The following GRIN2B variants were observed in gnomAD, a reference collection of about 807,000 sequenced individuals.
GRIN2B encodes glutamate ionotropic receptor NMDA type subunit 2B.
In GRIN2B, 5 loss-of-function variants were observed where a neutral mutation model predicts 114.5. The observed-to-expected ratio is 0.04, with a 90% CI of 0.02 to 0.09. The LOEUF (loss-of-function observed/expected upper bound fraction) is 0.09. Ranked by LOEUF, GRIN2B falls within the 10% of genes least tolerant of loss-of-function variation. The pLI is 1.00. For missense variants in GRIN2B, 1,108 were observed against 1,943.5 expected, an observed-to-expected ratio of 0.57 and a Z score of 8.08; for synonymous variants, 787 against 745.1, an observed-to-expected ratio of 1.06 and a Z score of -0.92.
intron 3 of GRIN2B, among the ~76,000 whole-genome samples, chr12:13,805,372 A>G (rs1864583389): frequency 6.6e-6 from 1 of 152,220 alleles, no homozygotes; most frequent in Non-Finnish European, 1.5e-5. Flanking sequence ...TTATATCTAG[A>G]AAAGCCTGAA....
chr12:13,798,307 AAGTC>A (rs1864451359), intron 3 of GRIN2B, among the ~76,000 whole-genome samples: 1 of 152,126 alleles, frequency 6.6e-6, no homozygotes, highest in African/African-American at 2.4e-5. Flanking sequence ...AAAAAAAAAA[AAGTC>A]AGTGTTGCAA....
At chr12:13,775,477 G>A (rs1300269477) in intron 3 of GRIN2B, among the ~76,000 whole-genome samples, 1 of 152,200 alleles carries the variant, frequency 6.6e-6, no homozygotes, top group East Asian at 1.9e-4. Context: ...ATAGTGCTGG[G>A]CACCAAGTAA....
At chr12:13,690,369 TCTCTCACA>T (rs1170948231) in intron 4 of GRIN2B, among the ~76,000 whole-genome samples, 12 of 59,026 alleles carry the variant, frequency 2.0e-4, no homozygotes, top group Non-Finnish European at 2.8e-4. Flanking sequence ...TCTCTCTCTC[TCTCTCACA>T]CACACACACA....
rs1949570404 is a variant in GRIN2B, at chr12:13,626,692, C to T, written c.1126-10035G>A. Among the ~76,000 whole-genome samples, 13 of 152,178 alleles carry T rather than the reference C, an allele frequency of 8.5e-5. No homozygotes were observed. In the South Asian group the frequency reaches 2.7e-3, roughly 32 times the overall value. On this transcript the variant is annotated intron_variant, in intron 5 of 13. Transcript: ENST00000609686. ...CCAATTTGAATCCTTGCTTTTCCAT[C>T]ATTGGTTGCATGTGATTCTGGATGA...
intron 3 of GRIN2B, among the ~76,000 whole-genome samples, chr12:13,759,617 G>A (rs895308543): frequency 1.3e-5 from 2 of 152,072 alleles, no homozygotes; most frequent in African/African-American, 2.4e-5. Flanking sequence ...TATTGACAAC[G>A]CCAATGTCCA....
At chr12:13,707,984 G>A (rs180842760) in intron 4 of GRIN2B, among the ~76,000 whole-genome samples, 2 of 147,174 alleles carry the variant, frequency 1.4e-5, no homozygotes, top group East Asian at 4.0e-4. Flanking sequence ...GTCTAAGCAA[G>A]GCTAGAAGCC....
intron 5 of GRIN2B, among the ~76,000 whole-genome samples, chr12:13,636,306 A>G (rs574867119): frequency 6.6e-6 from 1 of 152,306 alleles, no homozygotes; most frequent in African/African-American, 2.4e-5. Flanking sequence ...CAGTCTGGTG[A>G]GATAGGGAGG....
Position 13,562,793 on chromosome 12 carries a change from G to T in GRIN2B, c.4445C>A (p.Ser1482Tyr). Residue 1482 changes from serine (S) to tyrosine (Y), a missense_variant, in exon 14 of 14, where the codon TCT becomes TAT. Ser to Tyr is a moderately radical substitution (Grantham distance 144). Transcript: ENST00000609686. ...TCTCTGTTCCCTCACTCAGACATCA[G>T]ACTCAATACTAGAAAGTTTCTCATA... is the stretch of plus-strand genomic sequence containing the variant. ...HVYEKLSSIESDV is the reference protein window; with the variant it reads ...HVYEKLSSIEYDV 1 of 1,613,832 alleles carries T rather than the reference G, an allele frequency of 6.2e-7. No homozygotes were observed. The highest frequency in any genetic ancestry group is 1.1e-5 in the South Asian group (1 of 91,064).
chr12:13,621,354 C>A lies in GRIN2B; in HGVS notation c.1126-4697G>T, dbSNP rs1291578600. 4.6e-5 allele frequency among the ~76,000 whole-genome samples: 7 copies of A among 151,860 alleles called. No homozygotes were observed. In the South Asian group the frequency reaches 1.5e-3, roughly 32 times the overall value. Reference sequence around the variant, plus strand: ...AGGAGATATTTCAGAGACAATGTAGCGAGAAGAACTGAATGAAGAATTTAT... The same window carrying A: ...AGGAGATATTTCAGAGACAATGTAGAGAGAAGAACTGAATGAAGAATTTAT... On this transcript the variant is annotated intron_variant, in intron 5 of 13. Transcript: ENST00000609686.
At chr12:13,917,862 G>T (rs962526893) in intron 2 of GRIN2B, among the ~76,000 whole-genome samples, 1 of 152,068 alleles carries the variant, frequency 6.6e-6, no homozygotes, top group Non-Finnish European at 1.5e-5. Flanking sequence ...TATACTATAT[G>T]CTAGAAAAAT....
intron 2 of GRIN2B, among the ~76,000 whole-genome samples, chr12:13,934,338 A>T (rs1245359236): frequency 6.6e-6 from 1 of 152,250 alleles, no homozygotes; most frequent in African/African-American, 2.4e-5. Context: ...TCCTTAGGAA[A>T]CTATTTGGAA....
chr12:13,720,385 A>G (rs1950496820), intron 4 of GRIN2B, among the ~76,000 whole-genome samples: 1 of 152,056 alleles, frequency 6.6e-6, no homozygotes, highest in African/African-American at 2.4e-5. Flanking sequence ...TGTACTTGAG[A>G]CATAAAACTG....
intron 5 of GRIN2B, among the ~76,000 whole-genome samples, chr12:13,657,584 A>C (rs1949878665): frequency 6.6e-6 from 1 of 152,162 alleles, no homozygotes; most frequent in South Asian, 2.1e-4. Flanking sequence ...GCAGAAGGCA[A>C]AGCCAACAAA....
At chr12:13,663,345 T>C (rs1949942963) in intron 5 of GRIN2B, among the ~76,000 whole-genome samples, 1 of 152,164 alleles carries the variant, frequency 6.6e-6, no homozygotes, top group East Asian at 1.9e-4. Context: ...AAAGGGAAAA[T>C]TGGCAATTCT....
chr12:13,916,334 TATC>T (rs1866719954), intron 2 of GRIN2B, among the ~76,000 whole-genome samples: 1 of 152,206 alleles, frequency 6.6e-6, no homozygotes, highest in Admixed American at 6.5e-5. Context: ...ATAAACAAAT[TATC>T]ATCTTTGCCA....
chr12:13,610,176 A>G (rs959219803), intron 9 of GRIN2B, among the ~76,000 whole-genome samples: 1 of 152,194 alleles, frequency 6.6e-6, no homozygotes, highest in African/African-American at 2.4e-5. Context: ...TGTGGACCTT[A>G]TTTCATGCAA....
chr12:13,896,520 G>T lies in GRIN2B; in HGVS notation c.-18-30294C>A, dbSNP rs150564242. 4.6e-3 allele frequency among the ~76,000 whole-genome samples: 697 copies of T among 152,236 alleles called. 2 individuals are homozygous for T. Among genetic ancestry groups the T allele is most frequent in the Middle Eastern group, 0.014 (4 of 294 alleles). On this transcript the variant is annotated intron_variant, in intron 2 of 13. Coordinates refer to ENST00000609686, the MANE Select transcript of GRIN2B (RefSeq NM_000834.5). ...GAACGATCATTAAGGCCATAGTGGC[G>T]CCTGTAACGTTTGAAACATGTCTCC...
intron 9 of GRIN2B, among the ~76,000 whole-genome samples, chr12:13,610,502 C>T (rs1212562645): frequency 1.3e-5 from 2 of 152,156 alleles, no homozygotes; most frequent in Non-Finnish European, 2.9e-5. Flanking sequence ...GGATATAGGT[C>T]ATGGCTTCTG....
chr12:13,569,987 T>G lies in GRIN2B; in HGVS notation c.2202A>C (p.Ala734=), dbSNP rs148185805. The part of the protein sequence containing the change: ...GKLDAFIYDA[A]VLNYMAGRDE... ...CTCTGCCTGCCATATAGTTCAGCAC[T>G]GCTGCATCATAGATGAAGGCATCCA... Residue 734 remains alanine (A), a synonymous_variant, in exon 12 of 14, where the codon GCA becomes GCC. Transcript: ENST00000609686. The G allele has an allele frequency of 4.5e-5, 73 of 1,613,260 alleles. No individual in the cohort carries two copies. The highest frequency in any genetic ancestry group is 5.9e-5 in the Non-Finnish European group (70 of 1,179,314).
Sources: gnomAD v4.1 joint callset for allele counts (sites outside exome capture counted in the v4.1 genomes callset) on GRCh38, gnomAD v4.1.1 for gene constraint, MANE v1.5 for transcripts, NCBI Gene and HGNC (gene_info 2026-07-23, HGNC 2026-07-21) for gene names.